The following JARID2 variants were observed in gnomAD, a reference collection of about 807,000 sequenced individuals.
JARID2 encodes the protein jumonji and AT-rich interaction domain containing 2, also known as protein Jumonji.
A neutral mutation model predicts 125.6 loss-of-function variants in JARID2; 21 were observed. The ratio of observed to expected loss-of-function variants is 0.17; its 90% confidence interval spans 0.12 to 0.24. The LOEUF is 0.24. JARID2 is among the 10% of genes least tolerant of loss of function. JARID2 has a pLI of 1.00. For synonymous variants in JARID2, 736 were observed against 661.6 expected, an observed-to-expected ratio of 1.11 and a Z score of -1.73; for missense variants, 1,303 against 1,639.6, an observed-to-expected ratio of 0.79 and a Z score of 3.55.
intron 2 of JARID2, among the ~76,000 whole-genome samples, chr6:15,406,106 T>C (rs773398511): frequency 2.6e-5 from 4 of 152,176 alleles, no homozygotes; most frequent in Admixed American, 1.3e-4. Flanking sequence ...ACGTGCAGAA[T>C]AAAGTCAGTC....
At chr6:15,429,318 G>A (rs1766872729) in intron 3 of JARID2, among the ~76,000 whole-genome samples, 1 of 151,610 alleles carries the variant, frequency 6.6e-6, no homozygotes, top group African/African-American at 2.4e-5. Context: ...AGGCTGGAAT[G>A]CAATGGTGTC....
chr6:15,445,789 C>T (rs1389314172), intron 3 of JARID2, among the ~76,000 whole-genome samples: 1 of 152,214 alleles, frequency 6.6e-6, no homozygotes, highest in African/African-American at 2.4e-5. Context: ...TATTTGGCTT[C>T]TGCGAGATGA....
At chr6:15,385,514 TTTTTATAGATATTA>T (rs1764751244) in intron 2 of JARID2, among the ~76,000 whole-genome samples, 2 of 150,702 alleles carry the variant, frequency 1.3e-5, no homozygotes, top group Admixed American at 6.6e-5. Context: ...AAGATATAGT[TTTTTATAGATATTA>T]TTTTATAGAT....
At chr6:15,344,063 G>A (rs1056553786) in intron 1 of JARID2, among the ~76,000 whole-genome samples, 3 of 149,066 alleles carry the variant, frequency 2.0e-5, no homozygotes, top group African/African-American at 4.9e-5. Context: ...TGAATTTTAA[G>A]GAAGTACATG....
intron 7 of JARID2, 21 bp downstream of exon 7, chr6:15,497,191 A>G (rs9349979): frequency 0.38 from 565,310 of 1,496,354 alleles, 107,643 homozygotes; most frequent in East Asian, 0.55. Context: ...GCGGGGGGTC[A>G]GGGGGTGGTG....
At chr6:15,273,125 G>A (rs926387358) in intron 1 of JARID2, among the ~76,000 whole-genome samples, 11 of 152,090 alleles carry the variant, frequency 7.2e-5, no homozygotes, top group African/African-American at 2.7e-4. Flanking sequence ...TACGTGCTAA[G>A]TTTCCTCATG....
chr6:15,359,835 C>T (rs11962534), intron 1 of JARID2, among the ~76,000 whole-genome samples: 8,007 of 151,848 alleles, frequency 0.053, 708 homozygotes, highest in African/African-American at 0.18. Flanking sequence ...CACAGGCACC[C>T]GCCACCATGC....
At chr6:15,399,651 A>G (rs1765350280) in intron 2 of JARID2, among the ~76,000 whole-genome samples, 1 of 152,230 alleles carries the variant, frequency 6.6e-6, no homozygotes, top group Non-Finnish European at 1.5e-5. Flanking sequence ...TTCACTCCTG[A>G]GCAAAGTTGA....
At chr6:15,283,924 GTCTCCA>G (rs1328885410) in intron 1 of JARID2, among the ~76,000 whole-genome samples, 4 of 151,486 alleles carry the variant, frequency 2.6e-5, no homozygotes, top group Non-Finnish European at 5.9e-5. Flanking sequence ...AGCCAGGATG[GTCTCCA>G]TCTCCTGACC....
intron 7 of JARID2, among the ~76,000 whole-genome samples, chr6:15,497,709 G>A (rs1225981851): frequency 6.6e-6 from 1 of 152,016 alleles, no homozygotes; most frequent in Non-Finnish European, 1.5e-5. Flanking sequence ...CTGGGTCTGG[G>A]CCCCTTGCTT....
intron 3 of JARID2, among the ~76,000 whole-genome samples, chr6:15,451,053 CTCAGGAGGCTGAGG>C (rs1403595851): frequency 6.6e-6 from 1 of 152,228 alleles, no homozygotes; most frequent in African/African-American, 2.4e-5. Context: ...ATCCCAGCTA[CTCAGGAGGCTGAGG>C]TAGGAGAATC....
chr6:15,458,250 T>G (rs1581592449), intron 4 of JARID2, among the ~76,000 whole-genome samples: 1 of 152,202 alleles, frequency 6.6e-6, no homozygotes, highest in African/African-American at 2.4e-5. Flanking sequence ...CACTGGCAGG[T>G]TAAATGATTC....
At chr6:15,412,317 G>A (rs929296655) in intron 3 of JARID2, among the ~76,000 whole-genome samples, 26 of 152,032 alleles carry the variant, frequency 1.7e-4, no homozygotes, top group African/African-American at 6.3e-4. Flanking sequence ...TTTTTTGGGG[G>A]GGTTGAGGGA....
At chr6:15,349,917 G>C (rs1763368563) in intron 1 of JARID2, among the ~76,000 whole-genome samples, 2 of 152,052 alleles carry the variant, frequency 1.3e-5, no homozygotes, top group Admixed American at 6.5e-5. Context: ...TTATTCTCAG[G>C]CTATGATTCT....
At chr6:15,451,945 C>T (rs773851780) in intron 3 of JARID2, 61 bp from the exon 4 acceptor site, 36 of 1,510,592 alleles carry the variant, frequency 2.4e-5, no homozygotes, top group African/African-American at 9.8e-5. Context: ...TATTGCCGCA[C>T]GTAGGCCTAT....
At chr6:15,432,568 C>T (rs762619087) in intron 3 of JARID2, among the ~76,000 whole-genome samples, 2 of 152,216 alleles carry the variant, frequency 1.3e-5, no homozygotes, top group Non-Finnish European at 2.9e-5. Flanking sequence ...TTCAAATACC[C>T]TCTAGAGGTT....
intron 1 of JARID2, among the ~76,000 whole-genome samples, chr6:15,345,190 A>C (rs567468355): frequency 6.6e-6 from 1 of 152,310 alleles, no homozygotes; most frequent in Admixed American, 6.5e-5. Context: ...ATATGTAGAT[A>C]AGTTTCTTGT....
At chr6:15,285,368 G>A (rs939408556) in intron 1 of JARID2, among the ~76,000 whole-genome samples, 4 of 151,710 alleles carry the variant, frequency 2.6e-5, no homozygotes, top group Admixed American at 6.6e-5. Context: ...CAGGTGATCC[G>A]CCTGCCTCGG....
At chr6:15,283,717 T>G (rs1427454243) in intron 1 of JARID2, among the ~76,000 whole-genome samples, 1 of 149,826 alleles carries the variant, frequency 6.7e-6, no homozygotes, top group Non-Finnish European at 1.5e-5. Context: ...TTTTTTTTTT[T>G]TTTTTTGAGA....
Sources: gnomAD v4.1 joint callset for allele counts (sites outside exome capture counted in the v4.1 genomes callset) on GRCh38, gnomAD v4.1.1 for gene constraint, MANE v1.5 for transcripts, NCBI Gene and HGNC (gene_info 2026-07-23, HGNC 2026-07-21) for gene names.